Variants in SPAG9 observed in about 807,000 individuals in gnomAD.
SPAG9 encodes sperm associated antigen 9, also known as C-Jun-amino-terminal kinase-interacting protein 4.
SPAG9 carries 35 observed loss-of-function variants against 166.5 expected under a neutral mutation model. That is an observed-to-expected ratio of 0.21 (90% CI 0.16 to 0.28). The LOEUF (loss-of-function observed/expected upper bound fraction) is 0.28, where lower values mean the gene tolerates loss of function less well. SPAG9 is among the 10% of genes least tolerant of loss of function. SPAG9 has a pLI of 1.00. For missense variants in SPAG9, 1,235 were observed against 1,603.3 expected, an observed-to-expected ratio of 0.77 and a Z score of 3.92; for synonymous variants, 534 against 565.5, an observed-to-expected ratio of 0.94 and a Z score of 0.79.
chr17:50,974,166 C>T (rs1288430292), intron 28 of SPAG9, among the ~76,000 whole-genome samples: 2 of 152,172 alleles, frequency 1.3e-5, no homozygotes, highest in Non-Finnish European at 2.9e-5. Context: ...TTTCACTGGA[C>T]ATCATCACTT....
chr17:51,010,134 T>C (rs2045405363), intron 9 of SPAG9, among the ~76,000 whole-genome samples: 1 of 152,118 alleles, frequency 6.6e-6, no homozygotes, highest in Admixed American at 6.6e-5. Flanking sequence ...ATTCTCAAGC[T>C]AGGTCCATAG....
intron 1 of SPAG9, among the ~76,000 whole-genome samples, chr17:51,108,831 ATTTT>A (rs1240639603): frequency 1.3e-5 from 2 of 151,310 alleles, no homozygotes; most frequent in African/African-American, 4.9e-5. Context: ...TTATTTATTT[ATTTT>A]TATTTTTTTT....
intron 5 of SPAG9, 55 bp downstream of exon 5, chr17:51,041,446 G>A (rs774809667): frequency 7.7e-5 from 118 of 1,533,110 alleles, no homozygotes; most frequent in Non-Finnish European, 1.0e-4. Flanking sequence ...CTTCAATTAG[G>A]ATAAGAAAGT....
At position 50,974,965 on chromosome 17, in the gene SPAG9, A is replaced by C; in HGVS notation, c.3524-18T>G. ...TTTATTTGCTGCAACAGAAAAACCA[A>C]ATACCAAATATTTTCCCCTAGAAAA... On this transcript the variant is annotated intron_variant, in intron 27 of 29. Transcript: ENST00000262013. The C allele has an allele frequency of 6.2e-7, 1 of 1,607,628 alleles. No homozygotes were observed. Among genetic ancestry groups the C allele is most frequent in the Non-Finnish European group, 8.5e-7 (1 of 1,177,778 alleles).
intron 1 of SPAG9, among the ~76,000 whole-genome samples, chr17:51,115,267 C>G (rs887386074): frequency 1.3e-5 from 2 of 152,096 alleles, no homozygotes; most frequent in Non-Finnish European, 2.9e-5. Flanking sequence ...TAACTCACTG[C>G]AGTCTCAAAC....
In SPAG9 at chr17:50,984,904, T is replaced by TAC. The variant is rs1974930371; in HGVS notation, c.3088+17_3088+18dup. ...AAGCAACAAATTAGTGTCCATGTTA[T>TAC]ACACACATCACCACTCACCCACTCC... is the stretch of plus-strand genomic sequence containing the variant. On this transcript the variant is annotated intron_variant, in intron 24 of 29. Transcript: ENST00000262013. 1 of 1,604,874 alleles carries TAC rather than the reference T, an allele frequency of 6.2e-7. No homozygotes were observed. The highest frequency in any genetic ancestry group is 2.2e-5 in the East Asian group (1 of 44,850).
chr17:50,986,519 C>A (rs536310619), intron 22 of SPAG9, among the ~76,000 whole-genome samples: 1 of 152,180 alleles, frequency 6.6e-6, no homozygotes, highest in Non-Finnish European at 1.5e-5. Flanking sequence ...CTGCCAGCAT[C>A]ATAACAGTGG....
In SPAG9 at chr17:50,974,751, A is replaced by T. The variant is rs781734720; in HGVS notation, c.3700+20T>A. On this transcript the variant is annotated intron_variant, in intron 28 of 29. Transcript: ENST00000262013. ...GAGAGACAATTACATGGAACATCTC[A>T]ACAGAATAATCTAACATACCTGGGA... 4.8e-5 allele frequency: 76 copies of T among 1,580,386 alleles called. No individual in the cohort carries two copies. Among genetic ancestry groups the T allele is most frequent in the Non-Finnish European group, 5.8e-5 (68 of 1,166,050 alleles).
At chr17:51,062,358 CAT>C (rs777320547) in intron 2 of SPAG9, among the ~76,000 whole-genome samples, 1 of 152,146 alleles carries the variant, frequency 6.6e-6, no homozygotes, top group Non-Finnish European at 1.5e-5. Context: ...AAAAATATGA[CAT>C]GTGACCACCA....
At chr17:51,052,315 T>C (rs1319579938) in intron 3 of SPAG9, among the ~76,000 whole-genome samples, 1 of 152,224 alleles carries the variant, frequency 6.6e-6, no homozygotes, top group Non-Finnish European at 1.5e-5. Flanking sequence ...TAATTGCTAA[T>C]TGAATGACAT....
At chr17:51,039,629 G>A (rs1019164028) in intron 5 of SPAG9, among the ~76,000 whole-genome samples, 8 of 152,120 alleles carry the variant, frequency 5.3e-5, no homozygotes, top group African/African-American at 1.4e-4. Context: ...GGGAGGACAC[G>A]AGAAACTCCT....
chr17:51,078,484 T>C (rs1568067149), intron 2 of SPAG9, among the ~76,000 whole-genome samples: 2 of 152,158 alleles, frequency 1.3e-5, no homozygotes, highest in Non-Finnish European at 2.9e-5. Flanking sequence ...TCATGAGTAA[T>C]GTGGATAGAG....
intron 1 of SPAG9, among the ~76,000 whole-genome samples, chr17:51,082,978 C>A (rs1019455450): frequency 1.3e-5 from 2 of 152,130 alleles, no homozygotes; most frequent in Admixed American, 1.3e-4. Flanking sequence ...GGGACATCTG[C>A]CAGTTCTTAA....
rs1216016454 is a variant in SPAG9, at chr17:50,990,637, T to C, written c.2430A>G (p.Glu810=). 6.2e-7 allele frequency: 1 copy of C among 1,614,062 alleles called. No individual in the cohort carries two copies. The highest frequency in any genetic ancestry group is 2.2e-5 in the East Asian group (1 of 44,892). The change falls in exon 20 of 30, where the codon GAA becomes GAG. Residue 810 remains glutamate, a synonymous_variant. Coordinates refer to ENST00000262013, the MANE Select transcript of SPAG9 (RefSeq NM_001130528.3). ...GARETDYPAG[E]DLSESGQVDK... ...CTACCTGACCAGATTCTGAAAGATC[T>C]TCTCCTGCAGGGTAGTCTGTTTCTC...
At chr17:50,966,463 G>A (rs1469391075) in intron 29 of SPAG9, 76 bp from the exon 30 acceptor site, 22 of 942,834 alleles carry the variant, frequency 2.3e-5, no homozygotes, top group Non-Finnish European at 3.3e-5. Flanking sequence ...TGTAATGCTC[G>A]TGGTTAGTCC....
chr17:51,037,208 A>T (rs2046621219), intron 5 of SPAG9, among the ~76,000 whole-genome samples: 1 of 152,098 alleles, frequency 6.6e-6, no homozygotes, highest in Non-Finnish European at 1.5e-5. Context: ...GCTCAAGTTG[A>T]TCCTCCTGCC....
chr17:51,022,307 C>T (rs926723896), intron 6 of SPAG9, among the ~76,000 whole-genome samples: 2 of 152,010 alleles, frequency 1.3e-5, no homozygotes, highest in South Asian at 4.2e-4. Flanking sequence ...CTTAATGCAC[C>T]AAACTTTGGG....
chr17:51,005,295 A>G (rs2045161835), intron 11 of SPAG9, 32 bp from the exon 12 acceptor site: 1 of 1,601,476 alleles, frequency 6.2e-7, no homozygotes. Context: ...AAAACATGTT[A>G]TTTGAATTGA....
At chr17:51,095,656 AAAG>A (rs1325262264) in intron 1 of SPAG9, among the ~76,000 whole-genome samples, 1 of 148,042 alleles carries the variant, frequency 6.8e-6, no homozygotes, top group Non-Finnish European at 1.5e-5. Context: ...ATCTCCAAAA[AAAG>A]AAAAAAATGT....
Sources: gnomAD v4.1 joint callset for allele counts (sites outside exome capture counted in the v4.1 genomes callset) on GRCh38, gnomAD v4.1.1 for gene constraint, MANE v1.5 for transcripts, NCBI Gene and HGNC (gene_info 2026-07-23, HGNC 2026-07-21) for gene names.